Variants in TRAK1 observed in about 807,000 individuals in gnomAD.
TRAK1 encodes the protein trafficking kinesin protein 1, also known as trafficking kinesin-binding protein 1.
A neutral mutation model predicts 92.1 loss-of-function variants in TRAK1; 33 were observed. The observed-to-expected ratio is 0.36, with a 90% CI of 0.27 to 0.48. The LOEUF (loss-of-function observed/expected upper bound fraction) is 0.48. TRAK1 is among the 20% of genes least tolerant of loss of function. The pLI is 0.99. For missense variants in TRAK1, 1,123 were observed against 1,257.9 expected (o/e 0.89, Z 1.62); for synonymous variants, 521 against 517.3 (o/e 1.01, Z -0.10).
At chr3:42,203,759 C>G (rs1159700184) in intron 13 of TRAK1, 1 of 903,800 alleles carries the variant, frequency 1.1e-6, no homozygotes, top group East Asian at 2.7e-4. Flanking sequence ...ACGTTTTTTC[C>G]TAATCACCCC....
At chr3:42,185,468 A>G (rs573117094) in intron 4 of TRAK1, among the ~76,000 whole-genome samples, 1 of 152,226 alleles carries the variant, frequency 6.6e-6, no homozygotes, top group East Asian at 1.9e-4. Flanking sequence ...TAGGTTTAGA[A>G]GGAATGATGC....
chr3:42,162,436 G>A (rs1484229719), intron 2 of TRAK1, among the ~76,000 whole-genome samples: 1 of 152,088 alleles, frequency 6.6e-6, no homozygotes, highest in Non-Finnish European at 1.5e-5. Flanking sequence ...TTGAGGACTT[G>A]AGCCCAGGAA....
At chr3:42,104,819 A>C (rs1707290383) in intron 1 of TRAK1, among the ~76,000 whole-genome samples, 1 of 152,238 alleles carries the variant, frequency 6.6e-6, no homozygotes, top group African/African-American at 2.4e-5. Context: ...GCTCCTCGCC[A>C]GCAACGGAAC....
Position 42,223,347 on chromosome 3 carries a change from AAAG to A in TRAK1, c.2475_2477del (p.Lys825del). ...GCTCCATCCTGAGGGAAGTGAGAGA[AAAG>A]AACGTCCGCAGCAGCGAGAGCCAGA... is the stretch of plus-strand genomic sequence containing the variant. On this transcript the variant is annotated inframe_deletion, in exon 16 of 16. Transcript: ENST00000327628. The surrounding 1 kb of genome is among the most constrained non-coding windows in gnomAD (Gnocchi z 6.1). 6.2e-7 allele frequency: 1 copy of A among 1,614,228 alleles called. No homozygotes were observed. The highest frequency in any genetic ancestry group is 8.5e-7 in the Non-Finnish European group (1 of 1,180,042).
At chr3:42,160,234 G>C in intron 2 of TRAK1, 5 of 1,491,362 alleles carry the variant, frequency 3.4e-6, no homozygotes, top group Non-Finnish European at 4.5e-6. Context: ...GCATGTCTGC[G>C]GCCCAGGCCA....
chr3:42,140,575 C>T (rs1244110986), intron 2 of TRAK1, among the ~76,000 whole-genome samples: 1 of 152,044 alleles, frequency 6.6e-6, no homozygotes, highest in Non-Finnish European at 1.5e-5. Context: ...TGCAGTGAGC[C>T]GAGATCGCAC....
chr3:42,149,670 C>T, intron 2 of TRAK1: 2 of 1,531,136 alleles, frequency 1.3e-6, no homozygotes, highest in Non-Finnish European at 1.7e-6. Context: ...GGGGGGTGTC[C>T]TGAAACCTTT....
At chr3:42,054,539 ACTTCACAT>A (rs1448229506) in intron 1 of TRAK1, among the ~76,000 whole-genome samples, 1 of 152,142 alleles carries the variant, frequency 6.6e-6, no homozygotes, top group Non-Finnish European at 1.5e-5. Flanking sequence ...AGAACCAAGG[ACTTCACAT>A]TTCTACCTAG....
chr3:42,060,534 GT>G (rs1703387578), intron 1 of TRAK1, among the ~76,000 whole-genome samples: 2 of 151,622 alleles, frequency 1.3e-5, no homozygotes, highest in South Asian at 4.2e-4. Flanking sequence ...AGTCTCACTG[GT>G]TTATAGTCTC....
intron 2 of TRAK1, among the ~76,000 whole-genome samples, chr3:42,153,355 C>T (rs1700161733): frequency 6.6e-6 from 1 of 151,964 alleles, no homozygotes; most frequent in Admixed American, 6.6e-5. Context: ...TATAATTATG[C>T]CACTGTACTC....
chr3:42,192,536 A>G (rs6783298), intron 7 of TRAK1, among the ~76,000 whole-genome samples: 84 of 152,284 alleles, frequency 5.5e-4, no homozygotes, highest in Admixed American at 2.4e-3. Context: ...AGTATTTTGC[A>G]TTTCAGCAAA....
At chr3:42,186,157 GT>G (rs998418713) in intron 4 of TRAK1, among the ~76,000 whole-genome samples, 1 of 150,792 alleles carries the variant, frequency 6.6e-6, no homozygotes, top group African/African-American at 2.4e-5. Flanking sequence ...TAATTTTTGT[GT>G]TTTTTATAGA....
intron 1 of TRAK1, among the ~76,000 whole-genome samples, chr3:42,077,515 C>T (rs1343119976): frequency 6.6e-6 from 1 of 152,210 alleles, no homozygotes; most frequent in Non-Finnish European, 1.5e-5. Context: ...CCTTGAACTC[C>T]TGACCTCAAG....
At chr3:42,082,109 T>C (rs1418863161) in intron 1 of TRAK1, among the ~76,000 whole-genome samples, 1 of 152,228 alleles carries the variant, frequency 6.6e-6, no homozygotes, top group Non-Finnish European at 1.5e-5. Context: ...GAAGTGCTTA[T>C]ACTTAAAATA....
intron 1 of TRAK1, among the ~76,000 whole-genome samples, chr3:42,092,794 C>T (rs1705307019): frequency 7.3e-6 from 1 of 137,294 alleles, no homozygotes; most frequent in Non-Finnish European, 1.6e-5. Context: ...CTGTATTGCC[C>T]AGGCTGGTTT....
chr3:42,180,831 G>A (rs1703905201), intron 3 of TRAK1, among the ~76,000 whole-genome samples: 1 of 151,942 alleles, frequency 6.6e-6, no homozygotes, highest in Admixed American at 6.6e-5. Flanking sequence ...ATTGTTAATT[G>A]TAACCACCCT....
intron 4 of TRAK1, 82 bp downstream of exon 4, chr3:42,184,883 A>C (rs1288455800): frequency 2.2e-6 from 3 of 1,342,182 alleles, no homozygotes; most frequent in Non-Finnish European, 3.2e-6. Flanking sequence ...AGATGAGAGA[A>C]TGGAGTCCTA....
At chr3:42,129,745 C>G (rs762799821) in intron 2 of TRAK1, among the ~76,000 whole-genome samples, 1 of 152,138 alleles carries the variant, frequency 6.6e-6, no homozygotes, top group Non-Finnish European at 1.5e-5. Flanking sequence ...GCATTCTGCA[C>G]ATGAGGATGG....
In TRAK1 at chr3:42,209,854, G is replaced by C; in HGVS notation, c.1832G>C (p.Gly611Ala). 3 of 1,614,200 alleles carry C rather than the reference G, an allele frequency of 1.9e-6. No individual in the cohort carries two copies. The highest frequency in any genetic ancestry group is 2.5e-6 in the Non-Finnish European group (3 of 1,180,044). The change falls in exon 14 of 16, where the codon GGC (glycine) becomes GCC (alanine). Residue 611 changes from glycine (G) to alanine (A), a missense_variant. Physicochemically the swap from Gly to Ala is moderately conservative, Grantham distance 60. Transcript: ENST00000327628. ...LDPRPGVVTK[G>A]FRTLDVDLDE... is the part of the protein sequence containing the mutation. ...CCCCGGCCCGGTGTGGTCACCAAGG[G>C]CTTCCGGACGCTGGATGTTGACCTG...
Sources: gnomAD v4.1 joint callset for allele counts (sites outside exome capture counted in the v4.1 genomes callset) on GRCh38, gnomAD v4.1.1 for gene constraint, Gnocchi (gnomAD v3.1) non-coding constraint, MANE v1.5 for transcripts, NCBI Gene and HGNC (gene_info 2026-07-23, HGNC 2026-07-21) for gene names.